EML4: variants seen among roughly 807,000 people sequenced by gnomAD.
EML4 encodes the protein EMAP like 4, also known as echinoderm microtubule-associated protein-like 4.
EML4 carries 72 observed loss-of-function variants against 129.0 expected under a neutral mutation model. The observed-to-expected ratio is 0.56, with a 90% CI of 0.46 to 0.68. EML4 has a LOEUF of 0.68. EML4 is among the 30% of genes least tolerant of loss of function. EML4 has a pLI of 0.00. For synonymous variants in EML4, 532 were observed against 405.0 expected (o/e 1.31, Z -3.77); for missense variants, 1,363 against 1,190.6 (o/e 1.14, Z -2.13).
At chr2:42,201,830 C>G (rs1400591513) in intron 1 of EML4, among the ~76,000 whole-genome samples, 1 of 152,122 alleles carries the variant, frequency 6.6e-6, no homozygotes, top group South Asian at 2.1e-4. Context: ...GCCTGTAATC[C>G]CAGCACTTTA....
intron 11 of EML4, among the ~76,000 whole-genome samples, chr2:42,294,662 A>G (rs1374422644): frequency 6.6e-6 from 1 of 151,700 alleles, no homozygotes; most frequent in Non-Finnish European, 1.5e-5. Flanking sequence ...CTCCATTTGC[A>G]CTCTAGCCTG....
intron 11 of EML4, among the ~76,000 whole-genome samples, chr2:42,290,218 G>A (rs1325695848): frequency 3.9e-5 from 6 of 152,098 alleles, no homozygotes; most frequent in Admixed American, 2.6e-4. Context: ...TTCAGGGGCC[G>A]GATTACGGGT....
At position 42,221,403 on chromosome 2, in the gene EML4, C is replaced by CTTTTTTTTTT. The variant is rs74816568; in HGVS notation, c.26-24087_26-24078dup. On this transcript the variant is annotated intron_variant, in intron 1 of 22. Coordinates refer to ENST00000318522, the MANE Select transcript of EML4 (RefSeq NM_019063.5). ...AGCACATTGTTTACAACATGGTTTA[C>CTTTTTTTTTT]TTTTTTTTTTTTTTTTTTTTTTTTG... Among the ~76,000 whole-genome samples the CTTTTTTTTTT allele has an allele frequency of 1.5e-3, 157 of 108,218 alleles. 6 individuals are homozygous for CTTTTTTTTTT. Among genetic ancestry groups the CTTTTTTTTTT allele is most frequent in the African/African-American group, 4.2e-3 (126 of 30,334 alleles). 71.0% of individuals were successfully genotyped at this position (108,218 alleles called of 152,430 possible). A position where few individuals can be genotyped will look rare whatever the true frequency, so the allele number is the denominator to read the frequency against.
chr2:42,271,576 G>A (rs1174493190), intron 6 of EML4, among the ~76,000 whole-genome samples: 6 of 152,072 alleles, frequency 3.9e-5, no homozygotes, highest in South Asian at 2.1e-4. Flanking sequence ...TATTTTCAGC[G>A]AAGAAAAAAG....
chr2:42,225,490 C>T (rs2104146371), intron 1 of EML4, among the ~76,000 whole-genome samples: 1 of 152,088 alleles, frequency 6.6e-6, no homozygotes, highest in African/African-American at 2.4e-5. Context: ...GGATTGTAGG[C>T]CAAGTATATT....
rs61417977 is a variant in EML4, at chr2:42,216,230, C to CTTTTTTT, written c.26-29251_26-29245dup. 1.0e-3 allele frequency among the ~76,000 whole-genome samples: 45 copies of CTTTTTTT among 43,378 alleles called. 8 individuals are homozygous for CTTTTTTT. The highest frequency in any genetic ancestry group is 5.0e-3 in the African/African-American group (39 of 7,860). The allele number at this position is 43,378 out of a possible 152,430, so 28.5% of individuals were successfully genotyped here. A position where few individuals can be genotyped will look rare whatever the true frequency, so the allele number is the denominator to read the frequency against. On this transcript the variant is annotated intron_variant, in intron 1 of 22. Transcript: ENST00000318522. Reference sequence around the variant, plus strand: ...ATGAGCTACCACACCCGGCCCACTTCTTTTTTTTTTTTTTTTTTTTTTTTT... The same window carrying CTTTTTTT: ...ATGAGCTACCACACCCGGCCCACTTCTTTTTTTTTTTTTTTTTTTTTTTTTTTTTTTT...
rs1384442114 is a variant in EML4, at chr2:42,263,282, C to T, written c.617C>T (p.Pro206Leu). ...ATACCTTCAACACCCAAATTAATAC[C>T]AAAAGTTACCAAAACTGCAGACAAG... The part of the protein sequence containing the change: ...SKIPSTPKLI[P>L]KVTKTADKHK... The change falls in exon 5 of 23, where the codon CCA becomes CTA. Residue 206 changes from proline to leucine, a missense_variant. By Grantham distance (98) the Pro-to-Leu change is moderately conservative. Transcript: ENST00000318522. 1.9e-6 allele frequency: 3 copies of T among 1,611,358 alleles called. No individual in the cohort carries two copies. Among genetic ancestry groups the T allele is most frequent in the Non-Finnish European group, 2.5e-6 (3 of 1,179,134 alleles).
At chr2:42,315,287 C>G (rs72972054) in intron 17 of EML4, among the ~76,000 whole-genome samples, 1,677 of 152,298 alleles carry the variant, frequency 0.011, 39 homozygotes, top group African/African-American at 0.038. Flanking sequence ...GTCACCATCA[C>G]TGAGGTTGGC....
Position 42,226,360 on chromosome 2 carries a change from A to T in EML4, c.26-19145A>T, listed in dbSNP as rs1175000806. Among the ~76,000 whole-genome samples, 3 of 152,062 alleles carry T rather than the reference A, an allele frequency of 2.0e-5. 1 individual carries two copies. Among genetic ancestry groups the T allele is most frequent in the Non-Finnish European group, 4.4e-5 (3 of 67,988 alleles). The stretch of plus-strand genomic sequence containing the variant: ...TTGTAAATCATAGTTTTTACAGTTA[A>T]TAAAAAAATAAATTATGGGCCGGGC... On this transcript the variant is annotated intron_variant, in intron 1 of 22. Transcript: ENST00000318522.
chr2:42,285,012 G>A (rs752076195), intron 9 of EML4, among the ~76,000 whole-genome samples: 2 of 151,950 alleles, frequency 1.3e-5, no homozygotes, highest in Admixed American at 6.6e-5. Flanking sequence ...CAGTGTCTGC[G>A]GGAAGGTACT....
chr2:42,215,548 G>T (rs551077147), intron 1 of EML4, among the ~76,000 whole-genome samples: 53 of 149,322 alleles, frequency 3.5e-4, no homozygotes, highest in Non-Finnish European at 7.0e-4. Flanking sequence ...TGTTTAAGAA[G>T]CAAAAAAAAA....
intron 2 of EML4, among the ~76,000 whole-genome samples, chr2:42,248,900 G>A (rs1277645777): frequency 6.6e-6 from 1 of 151,994 alleles, no homozygotes; most frequent in Non-Finnish European, 1.5e-5. Context: ...TTTTCCTTTA[G>A]TGGAAAAATA....
chr2:42,275,137 T>C (rs149519302), intron 6 of EML4, among the ~76,000 whole-genome samples: 2 of 152,348 alleles, frequency 1.3e-5, no homozygotes, highest in East Asian at 3.9e-4. Flanking sequence ...GTCAAATTTT[T>C]AAAAAGTCAC....
rs1045665242 is a variant in EML4, at chr2:42,247,476, G to A, written c.208+1789G>A. On this transcript the variant is annotated intron_variant, in intron 2 of 22. Coordinates refer to ENST00000318522, the MANE Select transcript of EML4 (RefSeq NM_019063.5). Reference sequence around the variant, plus strand: ...TGTGATTCCCACTCTTTTCCCTCTTGGCCTCATGTACTCTGGGTCTGTGTA... The same window carrying A: ...TGTGATTCCCACTCTTTTCCCTCTTAGCCTCATGTACTCTGGGTCTGTGTA... Among the ~76,000 whole-genome samples the A allele has an allele frequency of 3.3e-4, 50 of 152,046 alleles. 1 individual carries two copies. Among genetic ancestry groups the A allele is most frequent in the African/African-American group, 1.1e-3 (47 of 41,456 alleles).
At chr2:42,219,103 C>A (rs1673389660) in intron 1 of EML4, among the ~76,000 whole-genome samples, 1 of 152,148 alleles carries the variant, frequency 6.6e-6, no homozygotes, top group Non-Finnish European at 1.5e-5. Context: ...CATGAAGAAC[C>A]CACAGTGAAC....
intron 3 of EML4, among the ~76,000 whole-genome samples, chr2:42,259,722 C>CTTTTTTTTTTTTTTTT (rs780243101): frequency 1.0e-5 from 1 of 98,346 alleles, no homozygotes; most frequent in African/African-American, 4.3e-5. Context: ...TTCTTTCTTT[C>CTTTTTTTTTTTTTTTT]TTTTTTTTTT....
At chr2:42,245,399 A>C in intron 1 of EML4, 106 bp from the exon 2 acceptor site, 1 of 1,136,130 alleles carries the variant, frequency 8.8e-7, no homozygotes. Flanking sequence ...CCTAGCCAGA[A>C]TTTTTCTCAT....
intron 18 of EML4, 43 bp downstream of exon 18, chr2:42,316,093 C>T (rs370462064): frequency 1.7e-5 from 22 of 1,312,608 alleles, no homozygotes; most frequent in Non-Finnish European, 2.3e-5. Context: ...GCATTCACAG[C>T]ACTTCACTGC....
chr2:42,212,476 ATT>A (rs200482527), intron 1 of EML4, among the ~76,000 whole-genome samples: 1 of 148,322 alleles, frequency 6.7e-6, no homozygotes, highest in African/African-American at 2.5e-5. Flanking sequence ...TCGGCAGTAG[ATT>A]TTTTTTTTTA....
Sources: gnomAD v4.1 joint callset for allele counts (sites outside exome capture counted in the v4.1 genomes callset) on GRCh38, gnomAD v4.1.1 for gene constraint, MANE v1.5 for transcripts, NCBI Gene and HGNC (gene_info 2026-07-23, HGNC 2026-07-21) for gene names.